EXOC6B: variants seen among roughly 807,000 people sequenced by gnomAD.
EXOC6B encodes SEC15 homolog B.
Under a neutral mutation model 113.5 loss-of-function variants are expected in EXOC6B, and 54 were observed. That is an observed-to-expected ratio of 0.48 (90% CI 0.38 to 0.60). The LOEUF (loss-of-function observed/expected upper bound fraction) is 0.60, where lower values mean the gene tolerates loss of function less well. Ranked by LOEUF, EXOC6B falls within the 20% of genes least tolerant of loss-of-function variation. The probability of loss-of-function intolerance (pLI) is 0.00; values close to 1 mark genes in which losing one functional copy is unlikely to be tolerated. For synonymous variants in EXOC6B, 357 were observed against 339.0 expected, an observed-to-expected ratio of 1.05 and a Z score of -0.58; for missense variants, 797 against 977.5, an observed-to-expected ratio of 0.82 and a Z score of 2.46.
intron 9 of EXOC6B, 139 bp downstream of exon 9, chr2:72,514,904 G>A (rs1701135266): frequency 1.3e-6 from 1 of 792,556 alleles, no homozygotes; most frequent in South Asian, 1.7e-5. Flanking sequence ...CTTACTGCAA[G>A]TCACATCCAC....
intron 20 of EXOC6B, among the ~76,000 whole-genome samples, chr2:72,214,262 C>T (rs917009276): frequency 1.7e-5 from 2 of 120,982 alleles, no homozygotes; most frequent in Admixed American, 8.9e-5. Context: ...CTGAGGCGGG[C>T]GGATCATGAG....
intron 6 of EXOC6B, among the ~76,000 whole-genome samples, chr2:72,641,151 A>G (rs13385811): frequency 0.046 from 7,066 of 152,318 alleles, 582 homozygotes; most frequent in African/African-American, 0.16. Context: ...CGTGATCAAC[A>G]GAGAAGACGG....
chr2:72,518,648 A>G (rs978879610), intron 8 of EXOC6B, among the ~76,000 whole-genome samples: 1 of 152,076 alleles, frequency 6.6e-6, no homozygotes, highest in South Asian at 2.1e-4. Flanking sequence ...GGAGACAAAG[A>G]GGCTGAATGG....
At chr2:72,737,803 G>A (rs971577486) in intron 2 of EXOC6B, among the ~76,000 whole-genome samples, 8 of 152,026 alleles carry the variant, frequency 5.3e-5, no homozygotes, top group African/African-American at 1.9e-4. Context: ...AGTGAACCAA[G>A]ATCACGCTGC....
chr2:72,364,000 A>G (rs911206676), intron 19 of EXOC6B, among the ~76,000 whole-genome samples: 6 of 152,132 alleles, frequency 3.9e-5, no homozygotes, highest in African/African-American at 1.4e-4. Flanking sequence ...TTCACATTTC[A>G]TCTTGTCCAG....
At chr2:72,248,349 T>C (rs1682798096) in intron 20 of EXOC6B, among the ~76,000 whole-genome samples, 1 of 152,168 alleles carries the variant, frequency 6.6e-6, no homozygotes, top group South Asian at 2.1e-4. Flanking sequence ...AAATAGCACT[T>C]AGTAGAGACA....
At chr2:72,450,195 TAG>T (rs1696828719) in intron 18 of EXOC6B, among the ~76,000 whole-genome samples, 1 of 152,090 alleles carries the variant, frequency 6.6e-6, no homozygotes, top group South Asian at 2.1e-4. Flanking sequence ...CCTATTTATG[TAG>T]AGAGGTTAAA....
intron 18 of EXOC6B, among the ~76,000 whole-genome samples, chr2:72,407,388 T>G (rs1159441842): frequency 1.3e-5 from 2 of 152,116 alleles, no homozygotes; most frequent in Non-Finnish European, 2.9e-5. Context: ...ATCCCGATAC[T>G]AAAGCCTGGC....
At chr2:72,418,047 T>C (rs1358244909) in intron 18 of EXOC6B, among the ~76,000 whole-genome samples, 1 of 152,206 alleles carries the variant, frequency 6.6e-6, no homozygotes, top group Non-Finnish European at 1.5e-5. Flanking sequence ...TTTCATATTT[T>C]CTATCTTACC....
chr2:72,332,896 G>T (rs1688489019), intron 20 of EXOC6B, among the ~76,000 whole-genome samples: 2 of 152,222 alleles, frequency 1.3e-5, no homozygotes, highest in Non-Finnish European at 2.9e-5. Context: ...TGCAAAGAGA[G>T]AAATATTTTC....
chr2:72,210,178 A>C (rs945008701), intron 20 of EXOC6B, among the ~76,000 whole-genome samples: 1 of 152,146 alleles, frequency 6.6e-6, no homozygotes, highest in African/African-American at 2.4e-5. Flanking sequence ...CATCTACTCA[A>C]TCAACCTTCA....
chr2:72,214,487 CA>C (rs11355575), intron 20 of EXOC6B, among the ~76,000 whole-genome samples: 48,027 of 105,028 alleles, frequency 0.46, 9,251 homozygotes, highest in African/African-American at 0.6. Context: ...TGAGACTTGT[CA>C]AAAAAAAAAA....
chr2:72,436,832 C>A (rs1040301371), intron 18 of EXOC6B, among the ~76,000 whole-genome samples: 2 of 152,112 alleles, frequency 1.3e-5, no homozygotes, highest in African/African-American at 4.8e-5. Context: ...AGCTTCCTTT[C>A]ATTGGGTTAG....
In EXOC6B at chr2:72,516,533, G is replaced by A. The variant is rs558636509; in HGVS notation, c.916-1407C>T. On this transcript the variant is annotated intron_variant, in intron 8 of 21. Coordinates refer to ENST00000272427, the MANE Select transcript of EXOC6B (RefSeq NM_015189.3). Reference sequence around the variant, plus strand: ...TGGGATTACAGGCCTTAGCCACCACGCCCGGCCCTGAATTCTACTCTTAAT... The same window carrying A: ...TGGGATTACAGGCCTTAGCCACCACACCCGGCCCTGAATTCTACTCTTAAT... Among the ~76,000 whole-genome samples the A allele has an allele frequency of 5.9e-5, 9 of 152,230 alleles. No individual in the cohort carries two copies. The South Asian group carries it at 1.5e-3, about 25-fold the overall frequency.
chr2:72,737,154 C>G (rs949711230), intron 2 of EXOC6B, among the ~76,000 whole-genome samples: 1 of 151,636 alleles, frequency 6.6e-6, no homozygotes, highest in African/African-American at 2.4e-5. Context: ...CTGGCCAACA[C>G]GGCAAAACCT....
At chr2:72,587,706 CAAAG>C in intron 6 of EXOC6B, among the ~76,000 whole-genome samples, 1 of 151,770 alleles carries the variant, frequency 6.6e-6, no homozygotes, top group South Asian at 2.1e-4. Context: ...CATTGGGCGT[CAAAG>C]AGAATCATCA....
chr2:72,720,196 A>G (rs533258823), intron 5 of EXOC6B, among the ~76,000 whole-genome samples: 10 of 152,276 alleles, frequency 6.6e-5, no homozygotes, highest in African/African-American at 2.2e-4. Flanking sequence ...CTAAAAATAT[A>G]TAACACAAAA....
intron 6 of EXOC6B, among the ~76,000 whole-genome samples, chr2:72,602,689 T>A (rs1670503307): frequency 6.6e-6 from 1 of 152,206 alleles, no homozygotes; most frequent in Admixed American, 6.5e-5. Flanking sequence ...GTTGTATATA[T>A]TAATAGCATC....
intron 20 of EXOC6B, chr2:72,263,322 G>A (rs937820128): frequency 1.3e-5 from 2 of 152,242 alleles, no homozygotes; most frequent in African/African-American, 4.8e-5. Context: ...ATGAGACTAC[G>A]CTCCATGGCC....
Sources: gnomAD v4.1 joint callset for allele counts (sites outside exome capture counted in the v4.1 genomes callset) on GRCh38, gnomAD v4.1.1 for gene constraint, MANE v1.5 for transcripts, NCBI Gene and HGNC (gene_info 2026-07-23, HGNC 2026-07-21) for gene names.